Variants in NBEA observed in about 807,000 individuals in gnomAD.
NBEA encodes lysosomal-trafficking regulator 2.
NBEA carries 44 observed loss-of-function variants against 343.4 expected under a neutral mutation model. The ratio of observed to expected loss-of-function variants is 0.13; its 90% confidence interval spans 0.10 to 0.16. The LOEUF (loss-of-function observed/expected upper bound fraction) is 0.16, where lower values mean the gene tolerates loss of function less well. NBEA is among the 10% of genes least tolerant of loss of function. The pLI is 1.00. For missense variants in NBEA, 2,555 were observed against 3,631.3 expected (o/e 0.70, Z 7.62); for synonymous variants, 1,175 against 1,238.7 (o/e 0.95, Z 1.08).
chr13:35,060,436 T>C (rs2063424086), intron 8 of NBEA, among the ~76,000 whole-genome samples: 1 of 151,800 alleles, frequency 6.6e-6, no homozygotes, highest in African/African-American at 2.4e-5. Flanking sequence ...AACCCTGTCA[T>C]CATGTGTACA....
intron 47 of NBEA, among the ~76,000 whole-genome samples, chr13:35,601,179 CAA>C (rs34151272): frequency 7.2e-4 from 106 of 146,394 alleles, no homozygotes; most frequent in Middle Eastern, 3.5e-3. Flanking sequence ...TGCATCTCAA[CAA>C]AAAAAAAAAA....
intron 40 of NBEA, among the ~76,000 whole-genome samples, chr13:35,458,597 C>T (rs906419709): frequency 6.6e-6 from 1 of 152,080 alleles, no homozygotes; most frequent in Non-Finnish European, 1.5e-5. Context: ...CAAATAATTT[C>T]AATAGCTCAT....
chr13:35,219,836 TTTGTTCTA>T (rs1170938716), intron 33 of NBEA, among the ~76,000 whole-genome samples: 1 of 152,150 alleles, frequency 6.6e-6, no homozygotes, highest in East Asian at 1.9e-4. Flanking sequence ...GCTCAACTTT[TTTGTTCTA>T]TTCATATCTT....
At chr13:35,608,326 T>C (rs562039184) in intron 48 of NBEA, among the ~76,000 whole-genome samples, 2 of 152,342 alleles carry the variant, frequency 1.3e-5, no homozygotes, top group Admixed American at 1.3e-4. Flanking sequence ...GCTTATTTCT[T>C]CAATTTATAT....
chr13:35,085,202 A>G (rs1179266658), intron 10 of NBEA, among the ~76,000 whole-genome samples: 1 of 152,154 alleles, frequency 6.6e-6, no homozygotes, highest in Non-Finnish European at 1.5e-5. Context: ...CAATCAATAG[A>G]AAAAGAGGGA....
intron 34 of NBEA, among the ~76,000 whole-genome samples, chr13:35,245,578 A>G (rs977011658): frequency 5.3e-5 from 8 of 152,146 alleles, no homozygotes; most frequent in African/African-American, 1.9e-4. Flanking sequence ...TTCTTGGCTG[A>G]TAATTGTTTT....
chr13:35,121,250 A>C (rs994317334), intron 16 of NBEA, among the ~76,000 whole-genome samples: 6 of 152,048 alleles, frequency 3.9e-5, no homozygotes. Flanking sequence ...CACTACAGGC[A>C]TGTGCCACCA....
intron 13 of NBEA, among the ~76,000 whole-genome samples, chr13:35,114,350 T>A (rs1272260786): frequency 6.6e-6 from 1 of 152,158 alleles, no homozygotes; most frequent in African/African-American, 2.4e-5. Flanking sequence ...GAAATCTTGC[T>A]CCTATTGTCT....
At chr13:35,602,248 G>A (rs2082086969) in intron 47 of NBEA, among the ~76,000 whole-genome samples, 1 of 152,094 alleles carries the variant, frequency 6.6e-6, no homozygotes. Flanking sequence ...ATGGAATTGT[G>A]AATATAAATT....
chr13:35,418,077 G>A (rs1594560823), intron 38 of NBEA, among the ~76,000 whole-genome samples: 1 of 152,072 alleles, frequency 6.6e-6, no homozygotes, highest in African/African-American at 2.4e-5. Context: ...GCTTTGTTTT[G>A]TTTTCCATTT....
chr13:34,949,336 C>G (rs191365047), intron 1 of NBEA, among the ~76,000 whole-genome samples: 1 of 152,108 alleles, frequency 6.6e-6, no homozygotes, highest in African/African-American at 2.4e-5. Context: ...GTTTTGGTTG[C>G]GAATTCAACT....
At chr13:35,224,092 A>T (rs1753590805) in intron 33 of NBEA, among the ~76,000 whole-genome samples, 1 of 152,036 alleles carries the variant, frequency 6.6e-6, no homozygotes, top group Non-Finnish European at 1.5e-5. Flanking sequence ...CAAACTTGGG[A>T]TCTGTCTGTT....
At chr13:35,633,173 G>A (rs1450576153) in intron 49 of NBEA, among the ~76,000 whole-genome samples, 9 of 151,586 alleles carry the variant, frequency 5.9e-5, no homozygotes, top group Admixed American at 4.6e-4. Context: ...CGCAATCTGG[G>A]CTCACTGCAA....
At chr13:35,071,500 T>A (rs1566239459) in intron 10 of NBEA, among the ~76,000 whole-genome samples, 1 of 152,062 alleles carries the variant, frequency 6.6e-6, no homozygotes, top group Non-Finnish European at 1.5e-5. Context: ...TTTAATGTTA[T>A]ATCTTAGAAT....
At chr13:35,093,494 T>A (rs17051855) in intron 10 of NBEA, among the ~76,000 whole-genome samples, 1 of 151,920 alleles carries the variant, frequency 6.6e-6, no homozygotes, top group African/African-American at 2.4e-5. Context: ...GCACTTCTAG[T>A]GTATGTTAAT....
At chr13:35,313,081 A>G (rs141781196) in intron 36 of NBEA, among the ~76,000 whole-genome samples, 4 of 152,308 alleles carry the variant, frequency 2.6e-5, no homozygotes, top group African/African-American at 9.6e-5. Context: ...GTGGAGAACC[A>G]GAGGCCCTGC....
At chr13:35,339,406 A>G (rs572911827) in intron 36 of NBEA, among the ~76,000 whole-genome samples, 1 of 152,240 alleles carries the variant, frequency 6.6e-6, no homozygotes, top group Non-Finnish European at 1.5e-5. Flanking sequence ...TCCATTAACA[A>G]TAAAGTCAAA....
rs771271035 is a variant in NBEA, at chr13:35,015,127, G to GAAAA, written c.295-25797_295-25794dup. Among the ~76,000 whole-genome samples, 50 of 18,294 alleles carry GAAAA rather than the reference G, an allele frequency of 2.7e-3. 11 individuals carry two copies. Among genetic ancestry groups the GAAAA allele is most frequent in the Non-Finnish European group, 3.1e-3 (35 of 11,326 alleles). 12.0% of individuals were successfully genotyped at this position (18,294 alleles called of 152,430 possible). A position where few individuals can be genotyped will look rare whatever the true frequency, so the allele number is the denominator to read the frequency against. ...TTCTCAACAAAAAGCAACGAGATCT[G>GAAAA]AAAAAAAAAAAACAAACAAAAAAAA... On this transcript the variant is annotated intron_variant, in intron 1 of 58. Transcript: ENST00000379939.
At chr13:35,110,164 T>A (rs991702628) in intron 12 of NBEA, among the ~76,000 whole-genome samples, 1 of 150,590 alleles carries the variant, frequency 6.6e-6, no homozygotes, top group African/African-American at 2.4e-5. Flanking sequence ...CACTAACGTG[T>A]CATCTAGCAT....
Sources: gnomAD v4.1 joint callset for allele counts (sites outside exome capture counted in the v4.1 genomes callset) on GRCh38, gnomAD v4.1.1 for gene constraint, MANE v1.5 for transcripts, NCBI Gene and HGNC (gene_info 2026-07-23, HGNC 2026-07-21) for gene names.